Variants in PTPRG observed in about 807,000 individuals in gnomAD.
The protein encoded by PTPRG is protein tyrosine phosphatase receptor type G.
PTPRG carries 102 observed loss-of-function variants against 165.3 expected under a neutral mutation model. The ratio of observed to expected loss-of-function variants is 0.62; its 90% CI spans 0.53 to 0.73. The LOEUF (loss-of-function observed/expected upper bound fraction) is 0.73. PTPRG is among the 30% of genes least tolerant of loss of function. The pLI is 0.00. For synonymous variants in PTPRG, 675 were observed against 669.5 expected (o/e 1.01, Z -0.13); for missense variants, 1,866 against 1,861.4 (o/e 1.00, Z -0.05).
intron 2 of PTPRG, among the ~76,000 whole-genome samples, chr3:61,757,132 A>G (rs989809691): frequency 6.6e-6 from 1 of 152,186 alleles, no homozygotes; most frequent in Admixed American, 6.5e-5. Flanking sequence ...AGGTTGAACT[A>G]CAGGATGTAT....
rs551108550 is a variant in PTPRG, at chr3:62,219,557, C to T, written c.2288+574C>T. Among the ~76,000 whole-genome samples the T allele has an allele frequency of 1.2e-4, 19 of 152,322 alleles. No individual in the cohort carries two copies. Among genetic ancestry groups the T allele is most frequent in the South Asian group, 6.2e-4 (3 of 4,832 alleles). On this transcript the variant is annotated intron_variant, in intron 13 of 29. Transcript: ENST00000474889. This position sits in a 1 kb window ranked among gnomAD's most constrained non-coding sequence, Gnocchi z 4.5. ...CTCATGGGAAGCCAGGTTGCAGCCT[C>T]TGTTTAGAAGTTGTGTTTTTTCAGC...
At chr3:61,637,985 C>T (rs547251495) in intron 1 of PTPRG, among the ~76,000 whole-genome samples, 41 of 152,242 alleles carry the variant, frequency 2.7e-4, no homozygotes, top group South Asian at 1.2e-3. Context: ...TTCCACTTAT[C>T]ACTTGGAACT....
chr3:61,647,721 G>A (rs1404890762), intron 1 of PTPRG, among the ~76,000 whole-genome samples: 3 of 143,412 alleles, frequency 2.1e-5, no homozygotes, highest in African/African-American at 7.6e-5. Flanking sequence ...GAACCTGGGA[G>A]GCGGAGCTTG....
intron 1 of PTPRG, among the ~76,000 whole-genome samples, chr3:61,701,832 G>A (rs973512885): frequency 2.6e-5 from 4 of 152,118 alleles, no homozygotes; most frequent in Admixed American, 6.6e-5. Context: ...CCAGGAGGTC[G>A]AGACTGAAGG....
At position 62,203,800 on chromosome 3, in the gene PTPRG, G is replaced by A. The variant is rs149537126; in HGVS notation, c.2005G>A (p.Asp669Asn). The change falls in exon 12 of 30, where the codon GAC becomes AAC. Residue 669 changes from aspartate to asparagine, a missense_variant. By Grantham distance (23) the Asp-to-Asn change is conservative (BLOSUM62 1). This residue lies in a region of PTPRG where 1,452 missense variants were observed against 1,463.0 expected (regional missense o/e 0.99). Transcript: ENST00000474889. The surrounding 1 kb of genome is among the most constrained non-coding windows in gnomAD (Gnocchi z 6.4). ...GGATGCCGGCCCAGGCCTGGACCCC[G>A]ACATGGTCACCTCCACCCAAGTGCC... ...RRDAGPGLDPDMVTSTQVPPT... is the reference protein window; with the variant it reads ...RRDAGPGLDPNMVTSTQVPPT... 1.4e-5 allele frequency: 23 copies of A among 1,613,536 alleles called. No individual in the cohort carries two copies. In the African/African-American group the frequency reaches 2.4e-4, roughly 17 times the overall value.
intron 1 of PTPRG, among the ~76,000 whole-genome samples, chr3:61,573,574 A>G (rs1452920488): frequency 6.6e-6 from 1 of 152,180 alleles, no homozygotes; most frequent in Non-Finnish European, 1.5e-5. Context: ...CGTGATACGC[A>G]ATACATTTAC....
chr3:62,105,918 T>C (rs1481979733), intron 5 of PTPRG, among the ~76,000 whole-genome samples: 1 of 152,218 alleles, frequency 6.6e-6, no homozygotes. Flanking sequence ...CAACAATGAA[T>C]ATGACAGATG....
At chr3:61,941,985 C>G (rs1430804010) in intron 2 of PTPRG, among the ~76,000 whole-genome samples, 4 of 151,546 alleles carry the variant, frequency 2.6e-5, no homozygotes, top group Non-Finnish European at 4.4e-5. Context: ...ATGGTGAAAC[C>G]CTGTCTCTAC....
intron 2 of PTPRG, among the ~76,000 whole-genome samples, chr3:61,786,660 A>G (rs899769899): frequency 2.0e-5 from 3 of 152,208 alleles, no homozygotes; most frequent in African/African-American, 7.2e-5. Flanking sequence ...GAAAAGACCT[A>G]CTTTTACCTT....
chr3:62,229,995 C>T lies in PTPRG; in HGVS notation c.2289-1230C>T, dbSNP rs1346576849. On this transcript the variant is annotated intron_variant, in intron 13 of 29. Transcript: ENST00000474889. The surrounding 1 kb of genome is among the most constrained non-coding windows in gnomAD (Gnocchi z 4.6). Reference sequence around the variant, plus strand: ...GAGAATTTGTAAAAACATTCCAACACACTCATGATTTCTTCAGATTAATGT... The same window carrying T: ...GAGAATTTGTAAAAACATTCCAACATACTCATGATTTCTTCAGATTAATGT... Among the ~76,000 whole-genome samples, 2 of 152,224 alleles carry T rather than the reference C, an allele frequency of 1.3e-5. No homozygotes were observed. The highest frequency in any genetic ancestry group is 2.9e-5 in the Non-Finnish European group (2 of 68,036).
In PTPRG at chr3:61,938,926, A is replaced by G. The variant is rs535625489; in HGVS notation, c.191-50699A>G. Among the ~76,000 whole-genome samples, 4 of 152,324 alleles carry G rather than the reference A, an allele frequency of 2.6e-5. No individual in the cohort carries two copies. The South Asian group carries it at 8.3e-4, about 32-fold the overall frequency. ...TCATGAGCGGCCATTAATTCCCATA[A>G]TAACTGATGTAAAAACTGAGCTTTA... On this transcript the variant is annotated intron_variant, in intron 2 of 29. Transcript: ENST00000474889.
At chr3:62,047,263 T>TTATTTATGTATG (rs1553709170) in intron 4 of PTPRG, among the ~76,000 whole-genome samples, 4 of 149,958 alleles carry the variant, frequency 2.7e-5, no homozygotes, top group Admixed American at 6.6e-5. Context: ...ATTTATTTAT[T>TTATTTATGTATG]TATTTATTTT....
At chr3:61,731,326 A>G (rs2032482019) in intron 1 of PTPRG, among the ~76,000 whole-genome samples, 1 of 151,038 alleles carries the variant, frequency 6.6e-6, no homozygotes, top group Non-Finnish European at 1.5e-5. Context: ...TGAAGGAGAC[A>G]CAGAAGCTCA....
At position 62,230,197 on chromosome 3, in the gene PTPRG, A is replaced by G. The variant is rs370186727; in HGVS notation, c.2289-1028A>G. 3.4e-3 allele frequency among the ~76,000 whole-genome samples: 523 copies of G among 152,348 alleles called. 3 individuals are homozygous for G. Among genetic ancestry groups the G allele is most frequent in the African/African-American group, 0.012 (502 of 41,570 alleles). On this transcript the variant is annotated intron_variant, in intron 13 of 29. Coordinates refer to ENST00000474889, the MANE Select transcript of PTPRG (RefSeq NM_002841.4). ...TTCCTGTGCCAAGCACTTTTACCCA[A>G]TATGGAGTCTAATAATTAATACAAT...
intron 2 of PTPRG, among the ~76,000 whole-genome samples, chr3:61,919,444 C>CG (rs1168751970): frequency 6.6e-6 from 1 of 152,202 alleles, no homozygotes; most frequent in Non-Finnish European, 1.5e-5. Flanking sequence ...GTGTGCATCT[C>CG]TATGCCTTAG....
intron 7 of PTPRG, among the ~76,000 whole-genome samples, chr3:62,162,422 T>G (rs1367262717): frequency 6.6e-6 from 1 of 152,210 alleles, no homozygotes; most frequent in East Asian, 1.9e-4. Flanking sequence ...AAACTTTCAT[T>G]TATTTTTACT....
At chr3:61,617,192 TGCAAAGTTGCCTGTAGAAGGACCC>T (rs2106887612) in intron 1 of PTPRG, among the ~76,000 whole-genome samples, 1 of 152,348 alleles carries the variant, frequency 6.6e-6, no homozygotes, top group South Asian at 2.1e-4. Context: ...TGGGAGGAAC[TGCAAAGTTGCCTGTAGAAGGACCC>T]GGATACAGAC....
intron 1 of PTPRG, among the ~76,000 whole-genome samples, chr3:61,717,480 G>A (rs2031858248): frequency 6.6e-6 from 1 of 152,094 alleles, no homozygotes; most frequent in South Asian, 2.1e-4. Flanking sequence ...AGAACTAGTA[G>A]GTGTTACTAT....
chr3:61,792,476 C>A (rs1415272541), intron 2 of PTPRG, among the ~76,000 whole-genome samples: 1 of 151,176 alleles, frequency 6.6e-6, no homozygotes, highest in Non-Finnish European at 1.5e-5. Context: ...GTTTTCCCTC[C>A]TTGGCCTCCT....
Sources: allele counts gnomAD v4.1 joint callset (sites outside exome capture counted in the v4.1 genomes callset), GRCh38; gene constraint gnomAD v4.1.1; regional missense constraint gnomAD v4.1.1; non-coding constraint Gnocchi (gnomAD v3.1); transcripts MANE v1.5; gene names NCBI Gene and HGNC (gene_info 2026-07-23, HGNC 2026-07-21).